The following ENOX2 variants were observed in gnomAD, a reference collection of about 807,000 sequenced individuals.
The protein encoded by ENOX2 is APK1 antigen.
Under a neutral mutation model 45.0 loss-of-function variants are expected in ENOX2, and 36 were observed. The observed-to-expected ratio is 0.80, with a 90% CI of 0.61 to 1.06. The LOEUF is 1.06. Among genes scored for constraint, ENOX2 ranks in the 50% least tolerant of loss-of-function variants. The pLI is 0.00. For missense variants in ENOX2, 423 were observed against 462.5 expected, an observed-to-expected ratio of 0.91 and a Z score of 0.78; for synonymous variants, 174 against 152.3, an observed-to-expected ratio of 1.14 and a Z score of -1.05.
At chrX:130,892,634 G>A (rs1236133533) in intron 2 of ENOX2, among the ~76,000 whole-genome samples, 1 of 112,678 alleles carries the variant, frequency 8.9e-6, no homozygotes, top group East Asian at 2.8e-4. Flanking sequence ...TGGAATGTGT[G>A]CCTTGCACGA....
chrX:130,865,504 C>G (rs985923561), intron 2 of ENOX2, among the ~76,000 whole-genome samples: 1 of 111,960 alleles, frequency 8.9e-6, no homozygotes, highest in Non-Finnish European at 1.9e-5. Flanking sequence ...AGATGTTGCT[C>G]ATTAGTTATT....
chrX:130,809,919 C>T (rs2077364710), intron 2 of ENOX2, among the ~76,000 whole-genome samples: 1 of 111,238 alleles, frequency 9.0e-6, no homozygotes, highest in African/African-American at 3.3e-5. Context: ...GCACTCCTCT[C>T]CCCACAGAAA....
chrX:130,657,131 T>C (rs1159340970), intron 9 of ENOX2, among the ~76,000 whole-genome samples: 1 of 112,097 alleles, frequency 8.9e-6, no homozygotes, highest in Non-Finnish European at 1.9e-5. Context: ...TGAGTTTTTG[T>C]AGTTTTAGAA....
chrX:130,682,583 CAAAAAAAAAAAA>C (rs55875735), intron 5 of ENOX2, among the ~76,000 whole-genome samples: 7 of 14,659 alleles, frequency 4.8e-4, no homozygotes, highest in South Asian at 0.014. Context: ...GACTCCGTCT[CAAAAAAAAAAAA>C]AAAAAAAAAA....
intron 5 of ENOX2, among the ~76,000 whole-genome samples, chrX:130,684,418 T>C (rs2037391361): frequency 8.9e-6 from 1 of 112,347 alleles, no homozygotes; most frequent in Admixed American, 9.4e-5. Context: ...CCATTTTTTG[T>C]ACATTTGATG....
intron 4 of ENOX2, among the ~76,000 whole-genome samples, chrX:130,697,463 T>G (rs1279391303): frequency 8.9e-6 from 1 of 112,192 alleles, no homozygotes; most frequent in Non-Finnish European, 1.9e-5. Context: ...GCTCAATAGA[T>G]TTTCAATGAA....
chrX:130,824,931 T>C (rs2077688549), intron 2 of ENOX2, among the ~76,000 whole-genome samples: 1 of 111,294 alleles, frequency 9.0e-6, no homozygotes, highest in Non-Finnish European at 1.9e-5. Flanking sequence ...TATAAAGTGG[T>C]ACAACAACTT....
chrX:130,798,018 A>G (rs774736006), intron 2 of ENOX2, among the ~76,000 whole-genome samples: 12 of 111,349 alleles, frequency 1.1e-4, no homozygotes, highest in Admixed American at 6.7e-4. Flanking sequence ...AGCACTGAGA[A>G]AAAAAAAGAC....
intron 3 of ENOX2, among the ~76,000 whole-genome samples, chrX:130,717,912 T>G (rs1470567268): frequency 8.9e-6 from 1 of 112,248 alleles, no homozygotes; most frequent in Non-Finnish European, 1.9e-5. Context: ...TTGCTTATCT[T>G]TATAATTCTA....
At chrX:130,773,530 C>T (rs1055616753) in intron 3 of ENOX2, among the ~76,000 whole-genome samples, 2 of 112,102 alleles carry the variant, frequency 1.8e-5, no homozygotes, top group Non-Finnish European at 3.8e-5. Flanking sequence ...GGTTGGCATA[C>T]AATCAATATT....
intron 3 of ENOX2, among the ~76,000 whole-genome samples, chrX:130,720,809 G>T: frequency 9.0e-6 from 1 of 111,637 alleles, no homozygotes; most frequent in Non-Finnish European, 1.9e-5. Context: ...TCTACTTGTG[G>T]TTGGGTGTAG....
At position 130,800,136 on chromosome X, in the gene ENOX2, C is replaced by G. The variant is rs773833800; in HGVS notation, c.-182-16446G>C. Among the ~76,000 whole-genome samples, 3 of 110,558 alleles carry G rather than the reference C, an allele frequency of 2.7e-5. No individual in the cohort carries two copies. In the South Asian group the frequency reaches 1.1e-3, roughly 42 times the overall value. ...GTAGGAATAAATTACCCTAATTGAC[C>G]AAAGCTACGCTCACATGTGAGACAT... On this transcript the variant is annotated intron_variant, in intron 2 of 14. Coordinates refer to ENST00000394363, the MANE Select transcript of ENOX2 (RefSeq NM_006375.4).
intron 3 of ENOX2, among the ~76,000 whole-genome samples, chrX:130,705,635 T>A (rs2038016830): frequency 1.8e-5 from 2 of 111,672 alleles, no homozygotes; most frequent in African/African-American, 6.5e-5. Context: ...CTAACACCCA[T>A]CTCCACCTGT....
chrX:130,826,086 G>GA (rs947060158), intron 2 of ENOX2, among the ~76,000 whole-genome samples: 5 of 110,520 alleles, frequency 4.5e-5, no homozygotes, highest in Non-Finnish European at 7.6e-5. Context: ...ATTCCCTGCA[G>GA]AAAAAAAGGA....
intron 3 of ENOX2, among the ~76,000 whole-genome samples, chrX:130,753,905 G>C (rs1006926659): frequency 1.8e-5 from 2 of 111,182 alleles, no homozygotes; most frequent in African/African-American, 6.5e-5. Flanking sequence ...ATATGGAAAG[G>C]GGTGGGGAGC....
Position 130,670,123 on chromosome X carries a change from C to T in ENOX2, c.536G>A (p.Arg179Gln), listed in dbSNP as rs1040254453. 27 of 1,208,629 alleles carry T rather than the reference C, an allele frequency of 2.2e-5. No homozygotes were observed. The highest frequency in any genetic ancestry group is 3.5e-5 in the African/African-American group (2 of 56,857). Residue 179 changes from arginine (R) to glutamine (Q), a missense_variant, in exon 7 of 15, where the codon CGA (arginine) becomes CAA (glutamine). Coordinates refer to ENST00000394363, the MANE Select transcript of ENOX2 (RefSeq NM_006375.4). ...ACACTCCCACTCATACAGGTCATCT[C>T]GAGCCTGTGCGAAATCAACGTGGAG... is the stretch of plus-strand genomic sequence containing the variant. ...GRLHVDFAQA[R>Q]DDLYEWECKQ... is the part of the protein sequence containing the mutation.
chrX:130,669,212 T>C lies in ENOX2; in HGVS notation c.694+753A>G, dbSNP rs1177270077. Among the ~76,000 whole-genome samples the C allele has an allele frequency of 2.7e-5, 3 of 111,790 alleles. No homozygotes were observed. In the Admixed American group the frequency reaches 2.8e-4, roughly 11 times the overall value. ...AAGATCAATGGGACACCAGCATTCA[T>C]CCAATAAAATCATCTATACTCAGAA... On this transcript the variant is annotated intron_variant, in intron 7 of 14. Coordinates refer to ENST00000394363, the MANE Select transcript of ENOX2 (RefSeq NM_006375.4).
rs1383626846 is a variant in ENOX2, at chrX:130,622,524, G to A, written c.*2790C>T. Among the ~76,000 whole-genome samples, 2 of 111,654 alleles carry A rather than the reference G, an allele frequency of 1.8e-5. No individual in the cohort carries two copies. Among genetic ancestry groups the A allele is most frequent in the African/African-American group, 6.5e-5 (2 of 30,687 alleles). ...CAGAATTAGAGATGTCACAGGACTAGGGAAGGAGATAAAAAAATCATTTGT... is the reference window on the plus strand; with the variant it reads ...CAGAATTAGAGATGTCACAGGACTAAGGAAGGAGATAAAAAAATCATTTGT... On this transcript the variant is annotated 3_prime_UTR_variant, in exon 15 of 15. Transcript: ENST00000394363.
chrX:130,796,248 T>G (rs1023245163), intron 2 of ENOX2, among the ~76,000 whole-genome samples: 2 of 111,574 alleles, frequency 1.8e-5, no homozygotes, highest in African/African-American at 3.3e-5. Flanking sequence ...TATAATTGGA[T>G]CTGGGAGTTG....
Sources: gnomAD v4.1 joint callset for allele counts (sites outside exome capture counted in the v4.1 genomes callset) on GRCh38, gnomAD v4.1.1 for gene constraint, MANE v1.5 for transcripts, NCBI Gene and HGNC (gene_info 2026-07-23, HGNC 2026-07-21) for gene names.